Variants in PDE1A observed in about 807,000 individuals in gnomAD.
PDE1A encodes phosphodiesterase 1A.
Under a neutral mutation model 61.7 loss-of-function variants are expected in PDE1A, and 35 were observed. That is an observed-to-expected ratio of 0.57 (90% CI 0.43 to 0.75). The LOEUF is 0.75. PDE1A is among the 30% of genes least tolerant of loss of function. The pLI is 0.00. For missense variants in PDE1A, 597 were observed against 630.6 expected, an observed-to-expected ratio of 0.95 and a Z score of 0.57; for synonymous variants, 232 against 213.2, an observed-to-expected ratio of 1.09 and a Z score of -0.77.
exon 6 of PDE1A, chr2:182,230,105 T>C (rs1219605578): frequency 1.2e-6 from 2 of 1,612,952 alleles, no homozygotes; most frequent in Admixed American, 3.3e-5. Context: ...TGTAACCAAC[T>C]TCTAAAGCTT....
chr2:182,645,790 A>G, the PDE1A span, among the ~76,000 whole-genome samples: 6 of 152,198 alleles, frequency 3.9e-5, no homozygotes, highest in Non-Finnish European at 5.9e-5. Context: ...AAAAGGTAAA[A>G]CGGTGAAGGT....
chr2:182,631,957 G>C, the PDE1A span, among the ~76,000 whole-genome samples: 1 of 152,198 alleles, frequency 6.6e-6, no homozygotes, highest in Non-Finnish European at 1.5e-5. Flanking sequence ...AGTGGAATGA[G>C]ATATAGCTGA....
At chr2:182,217,841 C>T (rs1188109568) in intron 7 of PDE1A, among the ~76,000 whole-genome samples, 1 of 151,778 alleles carries the variant, frequency 6.6e-6, no homozygotes, top group African/African-American at 2.4e-5. Context: ...CTAGTTCAAC[C>T]ATTGTGGAAT....
the PDE1A span, among the ~76,000 whole-genome samples, chr2:182,596,811 TA>T: frequency 6.6e-6 from 1 of 152,042 alleles, no homozygotes; most frequent in African/African-American, 2.4e-5. Context: ...AGCTGATTTT[TA>T]AAAAATAGAA....
chr2:182,327,544 G>C (rs946741722), intron 1 of PDE1A, among the ~76,000 whole-genome samples: 3 of 152,166 alleles, frequency 2.0e-5, no homozygotes, highest in Admixed American at 6.5e-5. Flanking sequence ...AGTGGCCAAT[G>C]AGTGAGGTGA....
chr2:182,456,534 T>G (rs1027620657), intron 2 of PDE1A, among the ~76,000 whole-genome samples: 4 of 152,080 alleles, frequency 2.6e-5, no homozygotes, highest in Admixed American at 2.6e-4. Context: ...TTCTCTATAT[T>G]AGCATTCAGG....
At chr2:182,505,626 A>G (rs1350055060) in intron 2 of PDE1A, among the ~76,000 whole-genome samples, 1 of 152,194 alleles carries the variant, frequency 6.6e-6, no homozygotes, top group Non-Finnish European at 1.5e-5. Context: ...TCCACCCCAC[A>G]TGCCCATCCT....
chr2:182,637,646 G>A, the PDE1A span, among the ~76,000 whole-genome samples: 1 of 152,150 alleles, frequency 6.6e-6, no homozygotes, highest in African/African-American at 2.4e-5. Context: ...GTCAGGCCGG[G>A]CACTGTGGCT....
chr2:182,656,748 A>G, the PDE1A span, among the ~76,000 whole-genome samples: 4 of 152,344 alleles, frequency 2.6e-5, no homozygotes, highest in East Asian at 5.8e-4. Flanking sequence ...AAACTTTCCA[A>G]TAGTTCAAAA....
chr2:182,576,598 G>A, the PDE1A span, among the ~76,000 whole-genome samples: 2 of 152,088 alleles, frequency 1.3e-5, no homozygotes, highest in Non-Finnish European at 2.9e-5. Context: ...GAAATTGCTG[G>A]ATTATATGGT....
chr2:182,445,832 A>C (rs1027393669), intron 2 of PDE1A, among the ~76,000 whole-genome samples: 6 of 152,230 alleles, frequency 3.9e-5, no homozygotes, highest in South Asian at 2.1e-4. Flanking sequence ...CATGCTTCCT[A>C]GAAGTATGTT....
intron 1 of PDE1A, among the ~76,000 whole-genome samples, chr2:182,309,714 A>T (rs979239171): frequency 1.3e-5 from 2 of 152,130 alleles, no homozygotes; most frequent in Non-Finnish European, 2.9e-5. Flanking sequence ...TATTTTTCAG[A>T]TATATGCAGT....
the PDE1A span, among the ~76,000 whole-genome samples, chr2:182,646,972 A>T: frequency 0.028 from 4,244 of 152,296 alleles, 86 homozygotes; most frequent in Middle Eastern, 0.071. Flanking sequence ...CATGCTGATA[A>T]TTGGATTCCA....
At chr2:182,257,881 C>T (rs1479722893) in intron 2 of PDE1A, among the ~76,000 whole-genome samples, 3 of 152,074 alleles carry the variant, frequency 2.0e-5, no homozygotes, top group Non-Finnish European at 4.4e-5. Flanking sequence ...TTGAAAGCAT[C>T]TATCAGCTGG....
At chr2:182,141,570 C>A (rs1658099118) in exon 15 of PDE1A, 3 of 152,082 alleles carry the variant, frequency 2.0e-5, no homozygotes, top group African/African-American at 7.2e-5. Flanking sequence ...CAGCCTACAT[C>A]CAAATATATC....
At chr2:182,662,430 T>C in the PDE1A span, among the ~76,000 whole-genome samples, 1 of 151,616 alleles carries the variant, frequency 6.6e-6, no homozygotes, top group Non-Finnish European at 1.5e-5. Flanking sequence ...ACTACCCTGC[T>C]TCAAACTATT....
At chr2:182,514,116 T>A (rs1276213498) in intron 2 of PDE1A, among the ~76,000 whole-genome samples, 2 of 152,144 alleles carry the variant, frequency 1.3e-5, no homozygotes. Context: ...GAAATACTAC[T>A]AACCAGGGAA....
intron 2 of PDE1A, among the ~76,000 whole-genome samples, chr2:182,442,946 CA>C (rs1319878712): frequency 1.3e-5 from 2 of 151,892 alleles, no homozygotes; most frequent in African/African-American, 4.8e-5. Context: ...CAGTGATTTA[CA>C]AACAAAACAA....
chr2:182,272,079 T>C (rs1463528675), intron 1 of PDE1A, among the ~76,000 whole-genome samples: 1 of 152,072 alleles, frequency 6.6e-6, no homozygotes, highest in Non-Finnish European at 1.5e-5. Flanking sequence ...GCAAGATGGA[T>C]ACTAGAATAA....
Sources: allele counts gnomAD v4.1 joint callset (sites outside exome capture counted in the v4.1 genomes callset), GRCh38; gene constraint gnomAD v4.1.1; transcripts MANE v1.5; gene names NCBI Gene and HGNC (gene_info 2026-07-23, HGNC 2026-07-21).